The following EFCAB11 variants were observed in gnomAD, a reference collection of about 807,000 sequenced individuals.
EFCAB11 encodes the protein EF-hand calcium binding domain 11.
EFCAB11 carries 14 observed loss-of-function variants against 23.0 expected under a neutral mutation model. That is an observed-to-expected ratio of 0.61 (90% CI 0.40 to 0.95). The LOEUF (loss-of-function observed/expected upper bound fraction) is 0.95. EFCAB11 is among the 40% of genes least tolerant of loss of function. EFCAB11 has a pLI of 0.00. For synonymous variants in EFCAB11, 65 were observed against 66.6 expected (o/e 0.98, Z 0.11); for missense variants, 198 against 195.8 (o/e 1.01, Z -0.07).
intron 5 of EFCAB11, among the ~76,000 whole-genome samples, chr14:89,825,979 A>G (rs1886677972): frequency 6.6e-6 from 1 of 152,190 alleles, no homozygotes; most frequent in African/African-American, 2.4e-5. Context: ...TAGGTATTGG[A>G]GCAGGGTCCT....
At chr14:89,914,034 C>G (rs1331439900) in intron 5 of EFCAB11, among the ~76,000 whole-genome samples, 2 of 152,186 alleles carry the variant, frequency 1.3e-5, no homozygotes, top group African/African-American at 4.8e-5. Context: ...GTTGGGGACA[C>G]TGTTGCTACA....
chr14:89,846,854 C>A (rs1887446620), intron 5 of EFCAB11, among the ~76,000 whole-genome samples: 1 of 152,170 alleles, frequency 6.6e-6, no homozygotes, highest in Admixed American at 6.5e-5. Context: ...ACCTAAAAAG[C>A]CCAATCCTGA....
chr14:89,853,945 GA>G (rs1466784237), intron 5 of EFCAB11, among the ~76,000 whole-genome samples: 1 of 152,026 alleles, frequency 6.6e-6, no homozygotes, highest in Admixed American at 6.6e-5. Flanking sequence ...AGCTACAAAT[GA>G]AAAAATGGAA....
At chr14:89,842,182 C>CTT (rs1018345527) in intron 5 of EFCAB11, among the ~76,000 whole-genome samples, 1 of 152,246 alleles carries the variant, frequency 6.6e-6, no homozygotes, top group Non-Finnish European at 1.5e-5. Flanking sequence ...CTCTCCAACA[C>CTT]TTCAGCCATA....
intron 5 of EFCAB11, among the ~76,000 whole-genome samples, chr14:89,854,634 T>C (rs1887695827): frequency 6.6e-6 from 1 of 152,038 alleles, no homozygotes; most frequent in African/African-American, 2.4e-5. Context: ...TAAAATATCT[T>C]CCCTAATTGT....
rs74080728 is a variant in EFCAB11, at chr14:89,861,117, C to T, written c.411-63793G>A. Among the ~76,000 whole-genome samples, 1,107 of 152,224 alleles carry T rather than the reference C, an allele frequency of 7.3e-3. 16 individuals are homozygous for T. Among genetic ancestry groups the T allele is most frequent in the African/African-American group, 0.025 (1,044 of 41,524 alleles). On this transcript the variant is annotated intron_variant, in intron 5 of 5. Transcript: ENST00000316738. ...TTGCTTCCATGAAACTGTAAGTTCCCGGTTCTCCTCTGACATTCCTTTTCT... is the reference window on the plus strand; with the variant it reads ...TTGCTTCCATGAAACTGTAAGTTCCTGGTTCTCCTCTGACATTCCTTTTCT...
intron 5 of EFCAB11, among the ~76,000 whole-genome samples, chr14:89,800,344 A>G (rs1203790406): frequency 6.6e-6 from 1 of 152,228 alleles, no homozygotes; most frequent in Non-Finnish European, 1.5e-5. Context: ...ACCACATGAG[A>G]GACAAGCTGT....
chr14:89,936,954 T>C (rs1368058307), intron 3 of EFCAB11, among the ~76,000 whole-genome samples: 1 of 152,208 alleles, frequency 6.6e-6, no homozygotes, highest in Non-Finnish European at 1.5e-5. Context: ...AGAAATATAT[T>C]ACCTGTGTCC....
intron 5 of EFCAB11, among the ~76,000 whole-genome samples, chr14:89,825,645 T>C (rs928568782): frequency 1.3e-5 from 2 of 152,036 alleles, no homozygotes; most frequent in African/African-American, 4.8e-5. Flanking sequence ...AGTTAGAGCC[T>C]AGAGTCATTA....
At chr14:89,883,335 T>C (rs1442153942) in intron 5 of EFCAB11, among the ~76,000 whole-genome samples, 2 of 152,236 alleles carry the variant, frequency 1.3e-5, no homozygotes, top group African/African-American at 2.4e-5. Flanking sequence ...CATTAAGCTT[T>C]GTCAAAAGGT....
intron 5 of EFCAB11, among the ~76,000 whole-genome samples, chr14:89,817,931 T>C (rs1047090490): frequency 7.9e-5 from 12 of 151,988 alleles, no homozygotes; most frequent in Non-Finnish European, 1.6e-4. Context: ...GAGGCAGAGG[T>C]TGCAGTGAGC....
At chr14:89,920,275 C>T (rs917034435) in intron 5 of EFCAB11, among the ~76,000 whole-genome samples, 2 of 152,190 alleles carry the variant, frequency 1.3e-5, no homozygotes, top group Non-Finnish European at 2.9e-5. Context: ...CAAACCACTT[C>T]ATAGGAACAG....
At chr14:89,851,870 G>A (rs1033929396) in intron 5 of EFCAB11, among the ~76,000 whole-genome samples, 2 of 152,180 alleles carry the variant, frequency 1.3e-5, no homozygotes, top group African/African-American at 4.8e-5. Context: ...AGTCACCAAA[G>A]AACATGCAGA....
intron 5 of EFCAB11, chr14:89,892,016 T>G: frequency 8.5e-6 from 13 of 1,531,368 alleles, no homozygotes; most frequent in Non-Finnish European, 1.1e-5. Context: ...CCACGAGCGC[T>G]TCAGCTGCAT....
rs894737658 is a variant in EFCAB11, at chr14:89,954,701, C to G, written c.-41G>C. ...CGAGCCCCAGCAACCCAACCAGCTA[C>G]CACCGCTTTCCCAGCCTGGCTGGCA... On this transcript the variant is annotated 5_prime_UTR_variant, in exon 1 of 6. Transcript: ENST00000316738. 6.3e-7 allele frequency: 1 copy of G among 1,594,118 alleles called. No homozygotes were observed. The highest frequency in any genetic ancestry group is 1.7e-5 in the Admixed American group (1 of 58,324).
At position 89,876,458 on chromosome 14, in the gene EFCAB11, G is replaced by A. The variant is rs180727845; in HGVS notation, c.410+55083C>T. On this transcript the variant is annotated intron_variant, in intron 5 of 5. Coordinates refer to ENST00000316738, the MANE Select transcript of EFCAB11 (RefSeq NM_145231.4). The stretch of plus-strand genomic sequence containing the variant: ...GACGGGGGAAATTTCTATTCAAAAT[G>A]TGCACATGATTATATATGTAAGATG... 2.1e-3 allele frequency among the ~76,000 whole-genome samples: 317 copies of A among 152,252 alleles called. 1 individual carries two copies. The highest frequency in any genetic ancestry group is 7.2e-3 in the African/African-American group (301 of 41,544).
At chr14:89,846,164 T>C (rs1887425195) in intron 5 of EFCAB11, among the ~76,000 whole-genome samples, 1 of 152,230 alleles carries the variant, frequency 6.6e-6, no homozygotes, top group Non-Finnish European at 1.5e-5. Flanking sequence ...TAGCATGTAG[T>C]AAGTGCTTAA....
At chr14:89,938,363 C>G (rs1890667357) in intron 3 of EFCAB11, among the ~76,000 whole-genome samples, 1 of 152,154 alleles carries the variant, frequency 6.6e-6, no homozygotes, top group Admixed American at 6.5e-5. Flanking sequence ...CTTCTCTAGT[C>G]TGAGACACAA....
At chr14:89,868,360 C>T (rs140827581) in intron 5 of EFCAB11, among the ~76,000 whole-genome samples, 6 of 152,244 alleles carry the variant, frequency 3.9e-5, no homozygotes, top group East Asian at 1.9e-4. Context: ...ACCACTATTA[C>T]GTACAGGACT....
Sources: gnomAD v4.1 joint callset for allele counts (sites outside exome capture counted in the v4.1 genomes callset) on GRCh38, gnomAD v4.1.1 for gene constraint, MANE v1.5 for transcripts, NCBI Gene and HGNC (gene_info 2026-07-23, HGNC 2026-07-21) for gene names.